The following DIPK1A variants were observed in gnomAD, a reference collection of about 807,000 sequenced individuals.
The protein encoded by DIPK1A is family with sequence similarity 69 member A.
DIPK1A carries 27 observed loss-of-function variants against 40.8 expected under a neutral mutation model. That is an observed-to-expected ratio of 0.66 (90% CI 0.49 to 0.91). The LOEUF (loss-of-function observed/expected upper bound fraction) is 0.91. Ranked by LOEUF, DIPK1A falls within the 40% of genes least tolerant of loss-of-function variation. The probability of loss-of-function intolerance (pLI) is 0.00; values close to 1 mark genes in which losing one functional copy is unlikely to be tolerated. For synonymous variants in DIPK1A, 166 were observed against 171.3 expected, an observed-to-expected ratio of 0.97 and a Z score of 0.24; for missense variants, 412 against 505.7, an observed-to-expected ratio of 0.81 and a Z score of 1.78.
chr1:92,919,044 G>T (rs1026844829), intron 1 of DIPK1A, among the ~76,000 whole-genome samples: 1 of 152,164 alleles, frequency 6.6e-6, no homozygotes, highest in African/African-American at 2.4e-5. Context: ...TGCAGCCTGG[G>T]AGTTGGGAAC....
At position 92,932,168 on chromosome 1, in the gene DIPK1A, C is replaced by T. The variant is rs531378611; in HGVS notation, c.54+29208G>A. ...AAATATTATCCAACTAGGCTGGGCA[C>T]AGTGGCTCATGCCTGTAATCCCAGC... On this transcript the variant is annotated intron_variant, in intron 1 of 4. Transcript: ENST00000370310. 5.3e-4 allele frequency: 100 copies of T among 187,964 alleles called. 1 individual carries two copies. The highest frequency in any genetic ancestry group is 2.6e-3 in the Middle Eastern group (1 of 392). 11.6% of individuals were successfully genotyped at this position (187,964 alleles called of 1,614,324 possible). A position where few individuals can be genotyped will look rare whatever the true frequency, so the allele number is the denominator to read the frequency against.
chr1:92,881,482 T>G (rs1280312914), intron 1 of DIPK1A, among the ~76,000 whole-genome samples: 1 of 152,170 alleles, frequency 6.6e-6, no homozygotes, highest in Non-Finnish European at 1.5e-5. Context: ...GCATATTCTG[T>G]GTTTTGATTT....
At chr1:92,845,508 GAAAAAAA>G in intron 4 of DIPK1A, 11 of 198,440 alleles carry the variant, frequency 5.5e-5, no homozygotes, top group Admixed American at 1.8e-4. Context: ...GTCTATGCTA[GAAAAAAA>G]AAAAAAAAAA....
rs775895322 is a variant in DIPK1A, at chr1:92,861,452, G to A, written c.190-10497C>T. ...GGCAATTCTTGTGCCTCAGCCTCCC[G>A]GGTAGCTGGGATTGCAGGCAAGAAC... On this transcript the variant is annotated intron_variant, in intron 2 of 4. Coordinates refer to ENST00000370310, the MANE Select transcript of DIPK1A (RefSeq NM_001006605.5). Among the ~76,000 whole-genome samples, 19 of 146,944 alleles carry A rather than the reference G, an allele frequency of 1.3e-4. No homozygotes were observed. The South Asian group carries it at 1.3e-3, about 10-fold the overall frequency.
intron 1 of DIPK1A, among the ~76,000 whole-genome samples, chr1:92,910,650 T>C (rs1234296712): frequency 1.3e-5 from 2 of 152,032 alleles, no homozygotes; most frequent in Non-Finnish European, 2.9e-5. Flanking sequence ...CTATAGTTCT[T>C]AAAAATTTGA....
At chr1:92,880,467 T>C (rs1252722218) in intron 1 of DIPK1A, among the ~76,000 whole-genome samples, 1 of 152,218 alleles carries the variant, frequency 6.6e-6, no homozygotes, top group East Asian at 1.9e-4. Flanking sequence ...TTTGATTTCA[T>C]TGTGATAACT....
chr1:92,855,390 C>A (rs1456973718), intron 2 of DIPK1A, among the ~76,000 whole-genome samples: 4 of 151,362 alleles, frequency 2.6e-5, no homozygotes, highest in African/African-American at 4.9e-5. Context: ...ACCAACCAAC[C>A]AAACAAACAA....
rs1030400782 is a variant in DIPK1A at position 92,843,144 on chromosome 1, A to C, written c.*239T>G. On this transcript the variant is annotated 3_prime_UTR_variant, in exon 5 of 5. Transcript: ENST00000370310. ...GTTTTTAAAGTCAGTCAAAATAGTT[A>C]CACAATGAATGTACTTCGGAGATGT... 1 of 1,214,900 alleles carries C rather than the reference A, an allele frequency of 8.2e-7. No homozygotes were observed. The highest frequency in any genetic ancestry group is 4.1e-5 in the Admixed American group (1 of 24,232). The allele number at this position is 1,214,900 out of a possible 1,614,324, so 75.3% of individuals were successfully genotyped here.
At chr1:92,853,309 C>G (rs1687878739) in intron 2 of DIPK1A, among the ~76,000 whole-genome samples, 1 of 152,206 alleles carries the variant, frequency 6.6e-6, no homozygotes, top group African/African-American at 2.4e-5. Context: ...ATTGAAAGGA[C>G]ATACAATGAA....
chr1:92,894,604 T>A (rs980482597), intron 1 of DIPK1A, among the ~76,000 whole-genome samples: 3 of 151,730 alleles, frequency 2.0e-5, no homozygotes, highest in African/African-American at 4.9e-5. Flanking sequence ...CTAGAGAAGC[T>A]AGAGCAAACA....
chr1:92,876,927 T>C, intron 1 of DIPK1A: 1 of 940,480 alleles, frequency 1.1e-6, no homozygotes, highest in Non-Finnish European at 1.3e-6. Context: ...GAAATTAAGC[T>C]CTACAGTCAT....
In DIPK1A at chr1:92,907,125, AG is replaced by A. The variant is rs1265494612; in HGVS notation, c.55-30696del. Reference sequence around the variant, plus strand: ...GAAATAATATAATAAGGAGATGGGAAGATGTTGCCATAGCACAGTCCATAAT... The same window carrying A: ...GAAATAATATAATAAGGAGATGGGAAATGTTGCCATAGCACAGTCCATAAT... On this transcript the variant is annotated intron_variant, in intron 1 of 4. Coordinates refer to ENST00000370310, the MANE Select transcript of DIPK1A (RefSeq NM_001006605.5). Among the ~76,000 whole-genome samples, 3 of 152,350 alleles carry A rather than the reference AG, an allele frequency of 2.0e-5. No individual in the cohort carries two copies. The East Asian group carries it at 5.8e-4, about 29-fold the overall frequency.
chr1:92,961,075 G>C (rs1226792541), intron 1 of DIPK1A, among the ~76,000 whole-genome samples: 1 of 152,106 alleles, frequency 6.6e-6, no homozygotes, highest in Non-Finnish European at 1.5e-5. Context: ...GCGCGGGGTC[G>C]TACCCAGGTC....
At chr1:92,836,456 G>A in intron 4 of DIPK1A, 3 of 1,436,464 alleles carry the variant, frequency 2.1e-6, no homozygotes, top group Non-Finnish European at 2.9e-6. Flanking sequence ...TAACTAGTTG[G>A]ACTGTGGAGA....
chr1:92,929,643 C>A (rs923435232), intron 1 of DIPK1A, among the ~76,000 whole-genome samples: 8 of 152,172 alleles, frequency 5.3e-5, no homozygotes, highest in African/African-American at 1.9e-4. Flanking sequence ...CTTTCCAGTG[C>A]CTTTAAATAG....
At chr1:92,941,895 C>G (rs1023104878) in intron 1 of DIPK1A, among the ~76,000 whole-genome samples, 8 of 151,468 alleles carry the variant, frequency 5.3e-5, no homozygotes, top group African/African-American at 9.7e-5. Flanking sequence ...GAGGCTGAGG[C>G]AAGAGAATTG....
intron 1 of DIPK1A, chr1:92,931,391 T>C (rs1650740801): frequency 4.2e-6 from 1 of 240,484 alleles, no homozygotes; most frequent in Non-Finnish European, 8.7e-6. Context: ...AGAGCCTGCA[T>C]GATGGAAACA....
intron 4 of DIPK1A, chr1:92,833,348 C>T: frequency 6.8e-7 from 1 of 1,481,060 alleles, no homozygotes; most frequent in Non-Finnish European, 9.4e-7. Flanking sequence ...GTATCATAGG[C>T]TAAGACATCA....
chr1:92,834,822 C>G lies in DIPK1A; in HGVS notation c.475-1788G>C, dbSNP rs1474511192. ...GAGGGGGATATGATAGTCTGCGCAG[C>G]GTATGCACACGAACTGCCAAAATAT... is the stretch of plus-strand genomic sequence containing the variant. On this transcript the variant is annotated intron_variant, in intron 4 of 4. Coordinates refer to the DIPK1A transcript ENST00000615519. The G allele has an allele frequency of 1.2e-6, 2 of 1,612,080 alleles. No homozygotes were observed. The highest frequency in any genetic ancestry group is 3.3e-5 in the Admixed American group (2 of 59,990).
Sources: allele counts gnomAD v4.1 joint callset (sites outside exome capture counted in the v4.1 genomes callset), GRCh38; gene constraint gnomAD v4.1.1; transcripts MANE v1.5; gene names NCBI Gene and HGNC (gene_info 2026-07-23, HGNC 2026-07-21).